Variants in PCDHGB2 observed in about 807,000 individuals in gnomAD.
PCDHGB2 encodes the protein protocadherin gamma-B2.
A neutral mutation model predicts 59.3 loss-of-function variants in PCDHGB2; 55 were observed. The observed-to-expected ratio is 0.93, with a 90% CI of 0.75 to 1.16. PCDHGB2 has a LOEUF of 1.16. Among genes scored for constraint, PCDHGB2 ranks in the 50% most tolerant of loss-of-function variants. PCDHGB2 has a pLI of 0.00. For synonymous variants in PCDHGB2, 516 were observed against 512.0 expected (o/e 1.01, Z -0.11); for missense variants, 1,228 against 1,198.5 (o/e 1.02, Z -0.36).
In PCDHGB2 at chr5:141,491,633, C is replaced by T; in HGVS notation, c.2422-3174C>T. Reference sequence around the variant, plus strand: ...CTAAGACCCCTCAGCGTTCAGCAGCCCACAGCTCTGGCGCTGGAGCCTGAC... The same window carrying T: ...CTAAGACCCCTCAGCGTTCAGCAGCTCACAGCTCTGGCGCTGGAGCCTGAC... On this transcript the variant is annotated intron_variant, in intron 1 of 3. Transcript: ENST00000522605. This position sits in a 1 kb window ranked among gnomAD's most constrained non-coding sequence, Gnocchi z 6.9. 2 of 1,613,916 alleles carry T rather than the reference C, an allele frequency of 1.2e-6. No homozygotes were observed.
intron 1 of PCDHGB2, chr5:141,385,002 C>T: frequency 6.2e-7 from 1 of 1,614,138 alleles, no homozygotes; most frequent in Admixed American, 1.7e-5. Flanking sequence ...CCACAGTCTC[C>T]TGCGTCTTCC....
rs1192913836 is a variant in PCDHGB2 at position 141,361,203 on chromosome 5, A to G, written c.1068A>G (p.Leu356=). The change falls in exon 1 of 4, where the codon CTA becomes CTG. Residue 356 remains leucine, a synonymous_variant. Coordinates refer to ENST00000522605, the MANE Select transcript of PCDHGB2 (RefSeq NM_018923.3). ...EVIVTSVSTP[L]PEDSPPGTVI... Reference sequence around the variant, plus strand: ...TTGTGACTTCAGTATCTACTCCCCTACCGGAGGATTCGCCACCAGGAACAG... The same window carrying G: ...TTGTGACTTCAGTATCTACTCCCCTGCCGGAGGATTCGCCACCAGGAACAG... 2.5e-6 allele frequency: 4 copies of G among 1,613,850 alleles called. No individual in the cohort carries two copies. The highest frequency in any genetic ancestry group is 3.4e-6 in the Non-Finnish European group (4 of 1,179,896).
chr5:141,457,159 T>C (rs908257499), intron 1 of PCDHGB2, among the ~76,000 whole-genome samples: 5 of 152,212 alleles, frequency 3.3e-5, no homozygotes, highest in Non-Finnish European at 7.3e-5. Flanking sequence ...GGTGCTACCA[T>C]GGATAACCCT....
chr5:141,478,073 G>A (rs756198123), intron 1 of PCDHGB2: 1 of 1,614,098 alleles, frequency 6.2e-7, no homozygotes, highest in Admixed American at 1.7e-5. Context: ...AGACAATGGG[G>A]AGCCTTCGCT....
At chr5:141,384,331 G>C (rs376216978) in intron 1 of PCDHGB2, 1 of 1,613,728 alleles carries the variant, frequency 6.2e-7, no homozygotes, top group Non-Finnish European at 8.5e-7. Flanking sequence ...GACTGCACAG[G>C]ACCACGACAG....
In PCDHGB2 at chr5:141,431,841, C is replaced by T; in HGVS notation, c.2422-62966C>T. The T allele has an allele frequency of 6.2e-7, 1 of 1,614,246 alleles. No homozygotes were observed. Among genetic ancestry groups the T allele is most frequent in the Non-Finnish European group, 8.5e-7 (1 of 1,180,044 alleles). ...GCCAGCTCGGTTCCCGAAAACTCTC[C>T]CAGAGGGACATTAATTGCCCTTTTA... On this transcript the variant is annotated intron_variant, in intron 1 of 3. Coordinates refer to ENST00000522605, the MANE Select transcript of PCDHGB2 (RefSeq NM_018923.3). The surrounding 1 kb of genome is among the most constrained non-coding windows in gnomAD (Gnocchi z 4.8).
intron 1 of PCDHGB2, among the ~76,000 whole-genome samples, chr5:141,446,394 A>C (rs796472404): frequency 1.1e-4 from 17 of 152,344 alleles, no homozygotes; most frequent in African/African-American, 3.4e-4. Context: ...ATTTAAGAGA[A>C]ATCGAGTTGA....
intron 1 of PCDHGB2, among the ~76,000 whole-genome samples, chr5:141,397,773 T>C (rs2093568087): frequency 1.3e-5 from 2 of 152,218 alleles, no homozygotes; most frequent in African/African-American, 2.4e-5. Context: ...ATTAAGTATA[T>C]GGACGTAAAA....
intron 1 of PCDHGB2, among the ~76,000 whole-genome samples, chr5:141,466,554 G>A (rs2099125028): frequency 6.6e-6 from 1 of 152,068 alleles, no homozygotes. Flanking sequence ...TTTGCTGTGG[G>A]CTTCATCTTC....
intron 3 of PCDHGB2, among the ~76,000 whole-genome samples, chr5:141,509,347 C>A (rs755234053): frequency 2.6e-5 from 4 of 152,142 alleles, no homozygotes; most frequent in Non-Finnish European, 5.9e-5. Context: ...CCTGGGCTGG[C>A]CTGGGCATCC....
chr5:141,490,200 A>G lies in PCDHGB2; in HGVS notation c.2422-4607A>G. 6.2e-6 allele frequency: 10 copies of G among 1,614,198 alleles called. No homozygotes were observed. The highest frequency in any genetic ancestry group is 8.5e-6 in the Non-Finnish European group (10 of 1,180,032). ...AGTCACGTTTCTATGAAATTCATGC[A>G]AGAGCCCGTGACCAGGGACAGCCTG... On this transcript the variant is annotated intron_variant, in intron 1 of 3. Coordinates refer to ENST00000522605, the MANE Select transcript of PCDHGB2 (RefSeq NM_018923.3). The surrounding 1 kb of genome is among the most constrained non-coding windows in gnomAD (Gnocchi z 5.4).
intron 1 of PCDHGB2, chr5:141,400,636 G>C: frequency 7.5e-7 from 1 of 1,325,762 alleles, no homozygotes; most frequent in Non-Finnish European, 1.1e-6. Context: ...AGTCAGAGCT[G>C]CTCAGAAAGC....
Position 141,487,506 on chromosome 5 carries a change from C to T in PCDHGB2, c.2422-7301C>T. 1 of 1,614,220 alleles carries T rather than the reference C, an allele frequency of 6.2e-7. No homozygotes were observed. The highest frequency in any genetic ancestry group is 8.5e-7 in the Non-Finnish European group (1 of 1,180,046). On this transcript the variant is annotated intron_variant, in intron 1 of 3. Coordinates refer to ENST00000522605, the MANE Select transcript of PCDHGB2 (RefSeq NM_018923.3). The surrounding 1 kb of genome is among the most constrained non-coding windows in gnomAD (Gnocchi z 5.0). ...CATGGCTGTACACCCTTGGCTTCTG[C>T]ACCCACTCGGAGTGATAGCTTCATG...
At chr5:141,465,467 C>T (rs2099103834) in intron 1 of PCDHGB2, among the ~76,000 whole-genome samples, 1 of 152,178 alleles carries the variant, frequency 6.6e-6, no homozygotes, top group Non-Finnish European at 1.5e-5. Flanking sequence ...CCAAATTGCC[C>T]TTGCTTCATG....
At position 141,385,291 on chromosome 5, in the gene PCDHGB2, C is replaced by T. The variant is rs375490912; in HGVS notation, c.2421+22735C>T. On this transcript the variant is annotated intron_variant, in intron 1 of 3. Coordinates refer to ENST00000522605, the MANE Select transcript of PCDHGB2 (RefSeq NM_018923.3). ...TTCTTTGCTAACATCCGTAGATTTT[C>T]AGGAATGTAAAGAAAACCTGCCAAG... 1.3e-5 allele frequency: 21 copies of T among 1,613,668 alleles called. No individual in the cohort carries two copies. In the African/African-American group the frequency reaches 2.7e-4, roughly 20 times the overall value.
chr5:141,491,966 G>A lies in PCDHGB2; in HGVS notation c.2422-2841G>A. 1.1e-6 allele frequency: 1 copy of A among 943,066 alleles called. No individual in the cohort carries two copies. Among genetic ancestry groups the A allele is most frequent in the Non-Finnish European group, 1.5e-6 (1 of 669,210 alleles). The allele number at this position is 943,066 out of a possible 1,614,324, so 58.4% of individuals were successfully genotyped here. On this transcript the variant is annotated intron_variant, in intron 1 of 3. Coordinates refer to ENST00000522605, the MANE Select transcript of PCDHGB2 (RefSeq NM_018923.3). The surrounding 1 kb of genome is among the most constrained non-coding windows in gnomAD (Gnocchi z 6.9). ...CCACCCCTACACTCAAAAAAGGCCG[G>A]GGCCTCCTTCGAGCTTCCGGTGAAT...
At chr5:141,384,245 C>T (rs776707376) in intron 1 of PCDHGB2, 6 of 1,613,890 alleles carry the variant, frequency 3.7e-6, no homozygotes, top group Non-Finnish European at 5.1e-6. Context: ...AACGATAACC[C>T]ACCCACCTTC....
intron 1 of PCDHGB2, among the ~76,000 whole-genome samples, chr5:141,445,851 A>G (rs957077325): frequency 2.0e-5 from 3 of 152,210 alleles, no homozygotes; most frequent in African/African-American, 7.2e-5. Context: ...CACACTTAAA[A>G]TTCTGGATTT....
At position 141,404,863 on chromosome 5, in the gene PCDHGB2, G is replaced by A. The variant is rs370856862; in HGVS notation, c.2421+42307G>A. 507 of 1,613,746 alleles carry A rather than the reference G, an allele frequency of 3.1e-4. 2 individuals are homozygous for A. The highest frequency in any genetic ancestry group is 3.8e-4 in the Non-Finnish European group (451 of 1,179,902). On this transcript the variant is annotated intron_variant, in intron 1 of 3. Coordinates refer to ENST00000522605, the MANE Select transcript of PCDHGB2 (RefSeq NM_018923.3). ...CTCGGGCCCTGCTAGATAGAGATGC[G>A]CTCAAACAGAGCCTTGTGGTGGCTG...
Sources: gnomAD v4.1 joint callset for allele counts (sites outside exome capture counted in the v4.1 genomes callset) on GRCh38, gnomAD v4.1.1 for gene constraint, Gnocchi (gnomAD v3.1) non-coding constraint, MANE v1.5 for transcripts, NCBI Gene and HGNC (gene_info 2026-07-23, HGNC 2026-07-21) for gene names.